L3MBTL3: variants seen among roughly 807,000 people sequenced by gnomAD.
L3MBTL3 encodes lethal(3)malignant brain tumor-like protein 3.
Under a neutral mutation model 102.3 loss-of-function variants are expected in L3MBTL3, and 27 were observed. That is an observed-to-expected ratio of 0.26 (90% CI 0.19 to 0.36). The LOEUF is 0.36. Among genes scored for constraint, L3MBTL3 ranks in the 10% least tolerant of loss-of-function variants. The probability of loss-of-function intolerance (pLI) is 1.00; values close to 1 mark genes in which losing one functional copy is unlikely to be tolerated. For synonymous variants in L3MBTL3, 340 were observed against 320.9 expected (o/e 1.06, Z -0.64); for missense variants, 798 against 955.3 (o/e 0.84, Z 2.17).
At chr6:130,094,135 T>A in intron 17 of L3MBTL3, 130 bp from the exon 18 acceptor site, 1 of 540,806 alleles carries the variant, frequency 1.8e-6, no homozygotes, top group Non-Finnish European at 3.2e-6. Context: ...TTTTTCTGTT[T>A]ATGTATGTTG....
chr6:130,024,336 T>TTA (rs1360066443), intron 2 of L3MBTL3, among the ~76,000 whole-genome samples: 1 of 152,134 alleles, frequency 6.6e-6, no homozygotes, highest in South Asian at 2.1e-4. Flanking sequence ...TACTATCTAT[T>TTA]ATTATTTTTG....
At chr6:130,074,459 G>A (rs1246625053) in intron 13 of L3MBTL3, among the ~76,000 whole-genome samples, 1 of 152,168 alleles carries the variant, frequency 6.6e-6, no homozygotes, top group Admixed American at 6.5e-5. Flanking sequence ...AATCCTAGAT[G>A]TAATAGAATA....
chr6:130,030,443 A>G (rs1779641383), intron 2 of L3MBTL3, among the ~76,000 whole-genome samples: 1 of 151,810 alleles, frequency 6.6e-6, no homozygotes, highest in Non-Finnish European at 1.5e-5. Context: ...TGGGCAGATC[A>G]TGAGGTCAGG....
intron 10 of L3MBTL3, among the ~76,000 whole-genome samples, chr6:130,065,387 T>A (rs1051498149): frequency 1.3e-5 from 2 of 152,218 alleles, no homozygotes; most frequent in Non-Finnish European, 2.9e-5. Context: ...CATATACCCA[T>A]AAATACATGT....
chr6:130,097,075 C>G (rs1032157396), intron 18 of L3MBTL3, among the ~76,000 whole-genome samples: 2 of 152,178 alleles, frequency 1.3e-5, no homozygotes, highest in African/African-American at 4.8e-5. Flanking sequence ...CATCCCTTCT[C>G]CTCAGTCTTC....
intron 2 of L3MBTL3, among the ~76,000 whole-genome samples, chr6:130,036,720 A>G (rs771006947): frequency 6.6e-6 from 1 of 152,204 alleles, no homozygotes; most frequent in Non-Finnish European, 1.5e-5. Flanking sequence ...TTTGTTAGTA[A>G]GCATGTACTT....
At chr6:130,058,227 C>T (rs952044188) in intron 9 of L3MBTL3, among the ~76,000 whole-genome samples, 6 of 150,060 alleles carry the variant, frequency 4.0e-5, no homozygotes, top group African/African-American at 1.5e-4. Flanking sequence ...AAAAATGGGT[C>T]ACTATATTAT....
At position 130,109,059 on chromosome 6, in the gene L3MBTL3, G is replaced by A. The variant is rs887974073; in HGVS notation, c.1886+4484G>A. On this transcript the variant is annotated intron_variant, in intron 19 of 22. Transcript: ENST00000361794. Reference sequence around the variant, plus strand: ...ACTCATTCTTTTTTATGGCTGCATAGCATTTCATGGTGTATGTGTGTCACA... The same window carrying A: ...ACTCATTCTTTTTTATGGCTGCATAACATTTCATGGTGTATGTGTGTCACA... 2.0e-5 allele frequency among the ~76,000 whole-genome samples: 3 copies of A among 152,136 alleles called. No homozygotes were observed. The East Asian group carries it at 5.8e-4, about 29-fold the overall frequency.
intron 2 of L3MBTL3, among the ~76,000 whole-genome samples, chr6:130,041,639 A>G (rs989541105): frequency 1.4e-4 from 21 of 152,336 alleles, no homozygotes; most frequent in Admixed American, 1.2e-3. Context: ...TAAAATTAGT[A>G]AGGATAGTAA....
chr6:130,071,386 A>G (rs1435837134), intron 13 of L3MBTL3, among the ~76,000 whole-genome samples: 1 of 152,118 alleles, frequency 6.6e-6, no homozygotes, highest in East Asian at 1.9e-4. Flanking sequence ...TTCCCAACAT[A>G]TGTTCACACG....
intron 11 of L3MBTL3, 32 bp from the exon 12 acceptor site, chr6:130,068,298 T>C: frequency 8.6e-7 from 1 of 1,168,652 alleles, no homozygotes; most frequent in Non-Finnish European, 1.3e-6. Flanking sequence ...TTGTGGTATT[T>C]GAATCAATCT....
intron 18 of L3MBTL3, among the ~76,000 whole-genome samples, chr6:130,102,033 TAAAC>T (rs1433494439): frequency 6.6e-6 from 1 of 152,060 alleles, no homozygotes; most frequent in African/African-American, 2.4e-5. Flanking sequence ...GGATGTCTAA[TAAAC>T]AAATTCCACA....
At position 130,092,161 on chromosome 6, in the gene L3MBTL3, A is replaced by G. The variant is rs1030228553; in HGVS notation, c.1519-584A>G. Among the ~76,000 whole-genome samples the G allele has an allele frequency of 2.0e-5, 3 of 152,294 alleles. No individual in the cohort carries two copies. In the East Asian group the frequency reaches 5.8e-4, roughly 29 times the overall value. On this transcript the variant is annotated intron_variant, in intron 16 of 22. Transcript: ENST00000361794. ...TAATTAAAAATAAAACAATAATAGA[A>G]CACATATTTGAGAAATACTGTAGTT...
At chr6:130,076,641 A>G (rs1050142457) in intron 13 of L3MBTL3, among the ~76,000 whole-genome samples, 6 of 152,112 alleles carry the variant, frequency 3.9e-5, no homozygotes, top group African/African-American at 1.4e-4. Flanking sequence ...GAGTACAGCA[A>G]TCAGTGTTTT....
intron 18 of L3MBTL3, among the ~76,000 whole-genome samples, chr6:130,100,619 T>G (rs1784621790): frequency 6.6e-6 from 1 of 151,532 alleles, no homozygotes; most frequent in Non-Finnish European, 1.5e-5. Context: ...TAATTGAAAT[T>G]ACTCTCTGGT....
chr6:130,047,700 A>G (rs879873384), intron 3 of L3MBTL3, among the ~76,000 whole-genome samples: 9 of 152,194 alleles, frequency 5.9e-5, no homozygotes, highest in Admixed American at 3.3e-4. Context: ...TTTTTATCAC[A>G]TTCTTTAATA....
At chr6:130,028,951 G>C (rs1314583482) in intron 2 of L3MBTL3, among the ~76,000 whole-genome samples, 1 of 152,110 alleles carries the variant, frequency 6.6e-6, no homozygotes, top group African/African-American at 2.4e-5. Context: ...GACAGATGAA[G>C]GTCTTTCCCT....
chr6:130,052,824 C>T (rs770038371), intron 6 of L3MBTL3, 35 bp from the exon 7 acceptor site: 1 of 1,597,392 alleles, frequency 6.3e-7, no homozygotes, highest in East Asian at 2.2e-5. Context: ...TAGGTATTGT[C>T]TCTTGTCACT....
chr6:130,071,644 G>A (rs988967148), intron 13 of L3MBTL3, among the ~76,000 whole-genome samples: 25 of 151,984 alleles, frequency 1.6e-4, no homozygotes, highest in Non-Finnish European at 3.5e-4. Flanking sequence ...ATTGATTGCT[G>A]TAATTCAGTT....
Sources: allele counts gnomAD v4.1 joint callset (sites outside exome capture counted in the v4.1 genomes callset), GRCh38; gene constraint gnomAD v4.1.1; transcripts MANE v1.5; gene names NCBI Gene and HGNC (gene_info 2026-07-23, HGNC 2026-07-21).